Variants in KRT74 observed in about 807,000 individuals in gnomAD.
The protein encoded by KRT74 is keratin 74.
A neutral mutation model predicts 42.7 loss-of-function variants in KRT74; 43 were observed. The observed-to-expected ratio is 1.01, with a 90% confidence interval of 0.79 to 1.30. The LOEUF is 1.30. Ranked by LOEUF, KRT74 falls within the 50% of genes most tolerant of loss-of-function variation. The probability of loss-of-function intolerance (pLI) is 0.00; values close to 1 mark genes in which losing one functional copy is unlikely to be tolerated. For synonymous variants in KRT74, 302 were observed against 279.0 expected, an observed-to-expected ratio of 1.08 and a Z score of -0.82; for missense variants, 736 against 689.1, an observed-to-expected ratio of 1.07 and a Z score of -0.76.
rs753688411 is a variant in KRT74, at chr12:52,572,501, T to C, written c.638A>G (p.Asp213Gly). Residue 213 changes from aspartate (D) to glycine (G), a missense_variant, in exon 2 of 9, where the codon GAC becomes GGC. Coordinates refer to ENST00000305620, the MANE Select transcript of KRT74 (RefSeq NM_175053.4). The part of the protein sequence containing the change: ...ETLSGDRVRL[D>G]SELRSMRDLV... ...ATCCCTCATGCTTCTCAGCTCCGAGTCCAGCCTCACCCTGTCCCCAGACAG... is the reference window on the plus strand; with the variant it reads ...ATCCCTCATGCTTCTCAGCTCCGAGCCCAGCCTCACCCTGTCCCCAGACAG... 1 of 1,614,136 alleles carries C rather than the reference T, an allele frequency of 6.2e-7. No homozygotes were observed. The highest frequency in any genetic ancestry group is 8.5e-7 in the Non-Finnish European group (1 of 1,180,034).
Position 52,573,410 on chromosome 12 carries a change from G to A in KRT74, c.368C>T (p.Ala123Val), listed in dbSNP as rs764570640. 6.8e-6 allele frequency: 11 copies of A among 1,614,064 alleles called. No individual in the cohort carries two copies. The highest frequency in any genetic ancestry group is 1.7e-5 in the Admixed American group (1 of 60,004). ...AGGGTCCAGCTCCACGTTGAGGGGG[G>A]CCAAGAGGCTCTTGTTGACAGTGAC... ...HQVTVNKSLL[A>V]PLNVELDPEI... Residue 123 changes from alanine to valine, a missense_variant, in exon 1 of 9, where the codon GCC becomes GTC. Coordinates refer to ENST00000305620, the MANE Select transcript of KRT74 (RefSeq NM_175053.4).
chr12:52,568,336 G>T lies in KRT74; in HGVS notation c.1188C>A (p.Ala396=), dbSNP rs371667202. 6.8e-6 allele frequency: 11 copies of T among 1,614,092 alleles called. No homozygotes were observed. Among genetic ancestry groups the T allele is most frequent in the Admixed American group, 1.7e-5 (1 of 60,004 alleles). The change falls in exon 7 of 9, where the codon GCC becomes GCA. Residue 396 remains alanine, a synonymous_variant. Transcript: ENST00000305620. Reference sequence around the variant, plus strand: ...CCAGCTTGGCCTGGGCATCCTTCAGGGCATTGTCTCCCCGCTGCTCAGCGT... The same window carrying T: ...CCAGCTTGGCCTGGGCATCCTTCAGTGCATTGTCTCCCCGCTGCTCAGCGT... The part of the protein sequence containing the change: ...IADAEQRGDN[A]LKDAQAKLDE...
In KRT74 at chr12:52,567,112, G is replaced by A. The variant is rs1459440641; in HGVS notation, c.1447C>T (p.Leu483Phe). 6 of 1,605,090 alleles carry A rather than the reference G, an allele frequency of 3.7e-6. No individual in the cohort carries two copies. Among genetic ancestry groups the A allele is most frequent in the African/African-American group, 1.3e-5 (1 of 74,786 alleles). ...YHHPSSAGVD[L>F]GASAVAGSSG... ...CTGCCTGCCACAGCGCTGGCCCCAAGGTCAACACCCGCAGAGCTGGGGTGG... is the reference window on the plus strand; with the variant it reads ...CTGCCTGCCACAGCGCTGGCCCCAAAGTCAACACCCGCAGAGCTGGGGTGG... Residue 483 changes from leucine to phenylalanine, a missense_variant, in exon 9 of 9, where the codon CTT (leucine) becomes TTT (phenylalanine). Leu to Phe is a conservative substitution (Grantham distance 22, BLOSUM62 0). Coordinates refer to ENST00000305620, the MANE Select transcript of KRT74 (RefSeq NM_175053.4).
chr12:52,573,176 C>A (rs745754394), intron 1 of KRT74, 131 bp downstream of exon 1: 8 of 880,106 alleles, frequency 9.1e-6, no homozygotes, highest in Non-Finnish European at 1.3e-5. Flanking sequence ...ACTCTCCTTC[C>A]CTAATGGTGA....
At position 52,573,321 on chromosome 12, in the gene KRT74, A is replaced by G. The variant is rs1939521188; in HGVS notation, c.457T>C (p.Ser153Pro). Reference protein sequence around the residue: ...QIKVLNDKFASFIDKVRFLEQ... With the variant: ...QIKVLNDKFAPFIDKVRFLEQ... The stretch of plus-strand genomic sequence containing the variant: ...ATGAGACCCACCTTGTCAATGAAGG[A>G]GGCGAACTTGTCGTTCAGCACCTTG... Residue 153 changes from serine to proline, a missense_variant, in exon 1 of 9, where the codon TCC becomes CCC. Ser to Pro is a moderately conservative substitution (Grantham distance 74). Coordinates refer to ENST00000305620, the MANE Select transcript of KRT74 (RefSeq NM_175053.4). 6.2e-7 allele frequency: 1 copy of G among 1,614,112 alleles called. No individual in the cohort carries two copies. Among genetic ancestry groups the G allele is most frequent in the African/African-American group, 1.3e-5 (1 of 75,040 alleles).
chr12:52,569,507 C>T, intron 6 of KRT74: 2 of 607,004 alleles, frequency 3.3e-6, no homozygotes, highest in Middle Eastern at 2.7e-4. Context: ...GGACATGGGG[C>T]AGGTTCATTG....
At position 52,566,714 on chromosome 12, in the gene KRT74, G is replaced by A. The variant is rs563223250; in HGVS notation, c.*255C>T. On this transcript the variant is annotated 3_prime_UTR_variant, in exon 9 of 9. Transcript: ENST00000305620. Reference sequence around the variant, plus strand: ...GGCCAAGAAGGTTATAATGGCTTGTGCCTCCAAAGCCTCCTGCCAGCCAAA... The same window carrying A: ...GGCCAAGAAGGTTATAATGGCTTGTACCTCCAAAGCCTCCTGCCAGCCAAA... 15 of 418,780 alleles carry A rather than the reference G, an allele frequency of 3.6e-5. No homozygotes were observed. The South Asian group carries it at 1.1e-3, about 30-fold the overall frequency. The allele number at this position is 418,780 out of a possible 1,614,324, so 25.9% of individuals were successfully genotyped here. A position where few individuals can be genotyped will look rare whatever the true frequency, so the allele number is the denominator to read the frequency against.
intron 7 of KRT74, 40 bp downstream of exon 7, chr12:52,568,129 C>G: frequency 6.2e-7 from 1 of 1,611,594 alleles, no homozygotes; most frequent in Non-Finnish European, 8.5e-7. Context: ...AGGAGCCACA[C>G]CCCAGTCCCT....
intron 7 of KRT74, 135 bp downstream of exon 7, chr12:52,568,034 C>T (rs1379909046): frequency 9.6e-7 from 1 of 1,037,292 alleles, no homozygotes; most frequent in Admixed American, 2.0e-5. Context: ...TTGCAGGAAG[C>T]TGCCTCTGAG....
intron 2 of KRT74, 73 bp from the exon 3 acceptor site, chr12:52,572,077 T>A (rs1236089999): frequency 8.7e-7 from 1 of 1,147,460 alleles, no homozygotes; most frequent in African/African-American, 1.6e-5. Flanking sequence ...GCCAGGCAAA[T>A]GTTTGGGATA....
rs766126160 is a variant in KRT74, at chr12:52,573,813, G to T, written c.-36C>A. The T allele has an allele frequency of 1.9e-6, 3 of 1,545,208 alleles. No individual in the cohort carries two copies. The highest frequency in any genetic ancestry group is 2.2e-5 in the South Asian group (2 of 89,202). On this transcript the variant is annotated 5_prime_UTR_variant, in exon 1 of 9. Coordinates refer to ENST00000305620, the MANE Select transcript of KRT74 (RefSeq NM_175053.4). ...GTTGAGTTGACAGAGCTGGAGAAAA[G>T]CAGTCTCCAAGGGGTAGAGAACACA...
Position 52,569,957 on chromosome 12 carries a change from G to A in KRT74, c.1036C>T (p.Arg346Trp), listed in dbSNP as rs146276277. ...KIQELQLAAS[R>W]HGDDLKHTRS... is the part of the protein sequence containing the mutation. ...GTGTGTTTCAGGTCGTCACCATGCC[G>A]ACTGGCTGCCAGCTGCAGCTCCTGG... The change falls in exon 6 of 9, where the codon CGG (arginine) becomes TGG (tryptophan). Residue 346 changes from arginine to tryptophan, a missense_variant. Physicochemically the swap from Arg to Trp is moderately radical, Grantham distance 101 (BLOSUM62 -3). Coordinates refer to ENST00000305620, the MANE Select transcript of KRT74 (RefSeq NM_175053.4). 215 of 1,614,046 alleles carry A rather than the reference G, an allele frequency of 1.3e-4. No homozygotes were observed. The highest frequency in any genetic ancestry group is 5.7e-4 in the African/African-American group (43 of 75,018).
intron 6 of KRT74, among the ~76,000 whole-genome samples, chr12:52,569,253 GCCCCCCACCCCCAC>G (rs1939431493): frequency 1.4e-5 from 2 of 143,442 alleles, no homozygotes; most frequent in South Asian, 2.3e-4. Flanking sequence ...GGTAAGACAG[GCCCCCCACCCCCAC>G]CCCCCCGCCC....
chr12:52,570,972 G>A, intron 4 of KRT74, 139 bp from the exon 5 acceptor site: 2 of 981,560 alleles, frequency 2.0e-6, no homozygotes, highest in Non-Finnish European at 3.1e-6. Context: ...AGTGCCCTCT[G>A]GGATGTGTCT....
In KRT74 at chr12:52,569,831, G is replaced by A. The variant is rs372144264; in HGVS notation, c.1134+28C>T. On this transcript the variant is annotated intron_variant, in intron 6 of 8. Transcript: ENST00000305620. ...CATCCCAGAGCCTGCTGTGGAGACC[G>A]GGAGTTCTTTGTGGGGCTGCTGCCC... 159 of 1,613,850 alleles carry A rather than the reference G, an allele frequency of 9.9e-5. 1 individual carries two copies. In the African/African-American group the frequency reaches 1.5e-3, roughly 15 times the overall value.
rs1028522400 is a variant in KRT74, at chr12:52,569,386, C to T, written c.1134+473G>A. 6.4e-6 allele frequency: 3 copies of T among 471,330 alleles called. No homozygotes were observed. In the South Asian group the frequency reaches 1.4e-4, roughly 22 times the overall value. The allele number at this position is 471,330 out of a possible 1,614,324, so 29.2% of individuals were successfully genotyped here. On this transcript the variant is annotated intron_variant, in intron 6 of 8. Transcript: ENST00000305620. ...CATGCCCCACTCCGAGAGCAGGAAC[C>T]TGGTGTGGCCAACAGAGGCGCCTGA...
In KRT74 at chr12:52,568,160, C is replaced by A; in HGVS notation, c.1355+9G>T. 6.2e-7 allele frequency: 1 copy of A among 1,614,070 alleles called. No individual in the cohort carries two copies. Among genetic ancestry groups the A allele is most frequent in the Non-Finnish European group, 8.5e-7 (1 of 1,179,910 alleles). On this transcript the variant is annotated intron_variant, in intron 7 of 8. Transcript: ENST00000305620. ...TCCCTTCTCACACTTTCCCCTCCAC[C>A]CCACCTACCTGCACTCCTCGCCCTC...
In KRT74 at chr12:52,573,401, T is replaced by C. The variant is rs1939524006; in HGVS notation, c.377A>G (p.Asn126Ser). The change falls in exon 1 of 9, where the codon AAC (asparagine) becomes AGC (serine). Residue 126 changes from asparagine (N) to serine (S), a missense_variant. Transcript: ENST00000305620. ...CTGGATCTCAGGGTCCAGCTCCACG[T>C]TGAGGGGGGCCAAGAGGCTCTTGTT... ...TVNKSLLAPLNVELDPEIQKV... is the reference protein window; with the variant it reads ...TVNKSLLAPLSVELDPEIQKV... The C allele has an allele frequency of 3.1e-6, 5 of 1,614,086 alleles. No individual in the cohort carries two copies. The highest frequency in any genetic ancestry group is 1.6e-4 in the Middle Eastern group (1 of 6,084).
chr12:52,567,414 A>G (rs1402478796), intron 8 of KRT74, among the ~76,000 whole-genome samples: 3 of 152,150 alleles, frequency 2.0e-5, no homozygotes, highest in African/African-American at 7.2e-5. Context: ...AGGAAAATCC[A>G]TGTCCACCAA....
Sources: allele counts gnomAD v4.1 joint callset (sites outside exome capture counted in the v4.1 genomes callset), GRCh38; gene constraint gnomAD v4.1.1; transcripts MANE v1.5; gene names NCBI Gene and HGNC (gene_info 2026-07-23, HGNC 2026-07-21).